Variants in ATP2B3 observed in about 807,000 individuals in gnomAD.
The protein encoded by ATP2B3 is ATPase plasma membrane Ca2+ transporting 3.
Under a neutral mutation model 70.8 loss-of-function variants are expected in ATP2B3, and 12 were observed. The ratio of observed to expected loss-of-function variants is 0.17; its 90% CI spans 0.11 to 0.27. The LOEUF is 0.27. ATP2B3 is among the 10% of genes least tolerant of loss of function. The probability of loss-of-function intolerance (pLI) is 1.00; values close to 1 mark genes in which losing one functional copy is unlikely to be tolerated. For synonymous variants in ATP2B3, 460 were observed against 497.8 expected (o/e 0.92, Z 1.01); for missense variants, 858 against 1,118.5 (o/e 0.77, Z 3.32).
chrX:153,540,408 C>T (rs2090262750), intron 3 of ATP2B3, among the ~76,000 whole-genome samples: 1 of 112,548 alleles, frequency 8.9e-6, no homozygotes, highest in Non-Finnish European at 1.9e-5. Flanking sequence ...CTCTCTCTCT[C>T]CTCGCGTGAC....
chrX:153,536,046 G>A (rs983992677), intron 2 of ATP2B3, 76 bp from the exon 3 acceptor site: 7 of 466,325 alleles, frequency 1.5e-5, no homozygotes, highest in South Asian at 6.3e-5. Context: ...AAGATTTGCC[G>A]AGAATATTCT....
intron 17 of ATP2B3, 117 bp from the exon 18 acceptor site, chrX:153,559,612 G>A (rs1029358051): frequency 1.8e-5 from 11 of 606,551 alleles, no homozygotes; most frequent in Non-Finnish European, 1.8e-5. Context: ...CTGTTTTCAT[G>A]GGCATGAAAT....
chrX:153,565,448 C>G (rs1178341564), intron 21 of ATP2B3, among the ~76,000 whole-genome samples: 3 of 112,934 alleles, frequency 2.7e-5, no homozygotes, highest in African/African-American at 9.7e-5. Flanking sequence ...GGGAACGGCC[C>G]CAGGTCATAG....
At position 153,548,865 on chromosome X, in the gene ATP2B3, A is replaced by C. The variant is rs1447103650; in HGVS notation, c.1338+11A>C. ...GCTTACTCTGTCAAGGTAATCATAAAACTTACAGTTGATACTGTTTACAGA... is the reference window on the plus strand; with the variant it reads ...GCTTACTCTGTCAAGGTAATCATAACACTTACAGTTGATACTGTTTACAGA... On this transcript the variant is annotated intron_variant, in intron 10 of 21. Coordinates refer to ENST00000263519, the MANE Select transcript of ATP2B3 (RefSeq NM_001001344.3). 10 of 1,202,040 alleles carry C rather than the reference A, an allele frequency of 8.3e-6. No individual in the cohort carries two copies. The highest frequency in any genetic ancestry group is 1.1e-5 in the Non-Finnish European group (10 of 887,633).
intron 7 of ATP2B3, among the ~76,000 whole-genome samples, chrX:153,544,661 G>A (rs944992108): frequency 3.0e-4 from 34 of 111,612 alleles, no homozygotes; most frequent in African/African-American, 7.8e-4. Context: ...ATTGTTTGGC[G>A]CAGCCTGCCA....
intron 6 of ATP2B3, 45 bp downstream of exon 6, chrX:153,542,493 C>T (rs782296797): frequency 3.7e-5 from 44 of 1,195,314 alleles, no homozygotes; most frequent in Non-Finnish European, 4.5e-5. Context: ...GGGGCGTCAG[C>T]AGCCGTGTGG....
rs144964812 is a variant in ATP2B3 at position 153,553,096 on chromosome X, G to A, written c.1885G>A (p.Asp629Asn). The A allele has an allele frequency of 4.8e-5, 58 of 1,207,557 alleles. No homozygotes were observed. The highest frequency in any genetic ancestry group is 6.0e-5 in the Non-Finnish European group (54 of 893,107). ...LRGFRPRDRD[D>N]MVRKIIEPMA... Reference sequence around the variant, plus strand: ...GGGCTTTCGGCCTCGGGACCGGGACGACATGGTGAGGAAGATCATCGAGCC... The same window carrying A: ...GGGCTTTCGGCCTCGGGACCGGGACAACATGGTGAGGAAGATCATCGAGCC... Residue 629 changes from aspartate (D) to asparagine (N), a missense_variant, in exon 13 of 22, where the codon GAC (aspartate) becomes AAC (asparagine). Physicochemically the swap from Asp to Asn is conservative, Grantham distance 23. Around this residue, in one of 5 missense-constraint regions of ATP2B3, gnomAD observed 242 missense variants for 281.3 expected, o/e 0.86. Transcript: ENST00000263519.
Position 153,580,397 on chromosome X carries a change from T to A in ATP2B3, c.*99T>A. ...ACACACATATGGGGACCTGCACACC[T>A]GCAAAACGAGGGAACAACTAAGGTG... On this transcript the variant is annotated 3_prime_UTR_variant, in exon 22 of 22. Transcript: ENST00000263519. 2.3e-6 allele frequency: 2 copies of A among 879,148 alleles called. No homozygotes were observed. The highest frequency in any genetic ancestry group is 3.1e-6 in the Non-Finnish European group (2 of 638,473). 72.5% of individuals were successfully genotyped at this position (879,148 alleles called of 1,213,427 possible).
chrX:153,545,550 A>G (rs1176146838), intron 7 of ATP2B3, among the ~76,000 whole-genome samples: 1 of 112,858 alleles, frequency 8.9e-6, no homozygotes, highest in African/African-American at 3.2e-5. Flanking sequence ...GTACACCTGT[A>G]GTCCCAGCTA....
intron 2 of ATP2B3, among the ~76,000 whole-genome samples, chrX:153,533,706 C>T (rs1483385379): frequency 1.8e-5 from 2 of 111,512 alleles, no homozygotes; most frequent in African/African-American, 6.5e-5. Flanking sequence ...GGCCCCGGGA[C>T]CATGGCAGAG....
In ATP2B3 at chrX:153,518,460, G is replaced by A. The variant is rs1556996853; in HGVS notation, c.-218G>A. Reference sequence around the variant, plus strand: ...CGGCTGTCTCCCCCTCCTCGCCTGTGTGACCTTGGCCAGCCAGCTTTTCCT... The same window carrying A: ...CGGCTGTCTCCCCCTCCTCGCCTGTATGACCTTGGCCAGCCAGCTTTTCCT... On this transcript the variant is annotated 5_prime_UTR_variant, in exon 2 of 22. The change creates a new upstream start codon in the 5' untranslated region. Transcript: ENST00000263519. Among the ~76,000 whole-genome samples, 1 of 113,130 alleles carries A rather than the reference G, an allele frequency of 8.8e-6. No homozygotes were observed. Among genetic ancestry groups the A allele is most frequent in the African/African-American group, 3.2e-5 (1 of 31,197 alleles).
intron 21 of ATP2B3, among the ~76,000 whole-genome samples, chrX:153,573,340 T>A (rs1557020482): frequency 8.9e-6 from 1 of 112,541 alleles, no homozygotes; most frequent in Non-Finnish European, 1.9e-5. Flanking sequence ...CCCAGCCCCG[T>A]GGTGGAAGGA....
chrX:153,569,856 C>T (rs1184083659), intron 21 of ATP2B3: 2 of 978,758 alleles, frequency 2.0e-6, no homozygotes, highest in Admixed American at 5.0e-5. Flanking sequence ...GCATTCCGCT[C>T]ACCGTGGCTT....
chrX:153,524,903 G>T (rs1556999183), intron 2 of ATP2B3, among the ~76,000 whole-genome samples: 1 of 112,152 alleles, frequency 8.9e-6, no homozygotes, highest in Non-Finnish European at 1.9e-5. Flanking sequence ...TACATTCTCT[G>T]GACATCCTCA....
chrX:153,547,192 G>A (rs1258243689), intron 8 of ATP2B3, among the ~76,000 whole-genome samples: 2 of 111,031 alleles, frequency 1.8e-5, no homozygotes, highest in Non-Finnish European at 3.8e-5. Context: ...CAGGGAGGGA[G>A]ATGAGGAAGT....
Position 153,580,313 on chromosome X carries a change from A to AGCACATGC in ATP2B3, c.*21_*28dup, listed in dbSNP as rs782392344. The AGCACATGC allele has an allele frequency of 1.2e-3, 1,447 of 1,192,104 alleles. 10 individuals carry two copies. The South Asian group carries it at 0.024, about 20-fold the overall frequency. On this transcript the variant is annotated 3_prime_UTR_variant, in exon 22 of 22. Transcript: ENST00000263519. ...CGTCCCTCTAACAAGAACTTGTCTC[A>AGCACATGC]GCACATGCGCACACGCACACTCGGA...
At chrX:153,524,480 C>T (rs1315281645) in intron 2 of ATP2B3, among the ~76,000 whole-genome samples, 2 of 111,832 alleles carry the variant, frequency 1.8e-5, no homozygotes, top group African/African-American at 6.5e-5. Context: ...TTCACAAGAA[C>T]ACTGGGCTGC....
In ATP2B3 at chrX:153,560,041, C is replaced by G. The variant is rs2090601372; in HGVS notation, c.2839+99C>G. 7 of 885,143 alleles carry G rather than the reference C, an allele frequency of 7.9e-6. No homozygotes were observed. The South Asian group carries it at 1.7e-4, about 21-fold the overall frequency. The allele number at this position is 885,143 out of a possible 1,213,427, so 72.9% of individuals were successfully genotyped here. On this transcript the variant is annotated intron_variant, in intron 18 of 21. Coordinates refer to ENST00000263519, the MANE Select transcript of ATP2B3 (RefSeq NM_001001344.3). ...TGTGTCTCCACCTGTGTCTCCGCAC[C>G]CAGTACGGGGTGGGACGCTGCACTT...
intron 21 of ATP2B3, chrX:153,569,244 AGGTGTGTT>A: frequency 2.2e-6 from 1 of 455,107 alleles, no homozygotes; most frequent in Non-Finnish European, 4.1e-6. Context: ...CATGTCCCTC[AGGTGTGTT>A]GGAGAGGAAA....
Sources: gnomAD v4.1 joint callset for allele counts (sites outside exome capture counted in the v4.1 genomes callset) on GRCh38, gnomAD v4.1.1 for gene constraint, gnomAD v4.1.1 regional missense constraint, MANE v1.5 for transcripts, NCBI Gene and HGNC (gene_info 2026-07-23, HGNC 2026-07-21) for gene names.